Variants in NUP153 observed in about 807,000 individuals in gnomAD.
NUP153 encodes the protein nuclear pore complex protein Nup153.
Under a neutral mutation model 134.6 loss-of-function variants are expected in NUP153, and 27 were observed. The ratio of observed to expected loss-of-function variants is 0.20; its 90% CI spans 0.15 to 0.28. The LOEUF (loss-of-function observed/expected upper bound fraction) is 0.28, where lower values mean the gene tolerates loss of function less well. Ranked by LOEUF, NUP153 falls within the 10% of genes least tolerant of loss-of-function variation. The pLI, the probability that NUP153 is intolerant of heterozygous loss-of-function variation, is 1.00. For missense variants in NUP153, 1,821 were observed against 1,731.3 expected, an observed-to-expected ratio of 1.05 and a Z score of -0.92; for synonymous variants, 640 against 623.5, an observed-to-expected ratio of 1.03 and a Z score of -0.40.
intron 9 of NUP153, among the ~76,000 whole-genome samples, chr6:17,663,120 T>C (rs1767292108): frequency 6.6e-6 from 1 of 152,072 alleles, no homozygotes; most frequent in South Asian, 2.1e-4. Context: ...AGGGAACTCC[T>C]TGTTAATAAG....
At chr6:17,617,465 T>TAAA (rs71002233) in intron 20 of NUP153, among the ~76,000 whole-genome samples, 24 of 105,760 alleles carry the variant, frequency 2.3e-4, no homozygotes, top group African/African-American at 6.8e-4. Context: ...TAGTGGGAAT[T>TAAA]AAAAAAAAAA....
chr6:17,636,296 C>T lies in NUP153; in HGVS notation c.2464+857G>A, dbSNP rs141735437. ...GTCTCAGTGAGCCAAGATTGTGCCA[C>T]TGCACTCCAGCCTGGGTGACACAGT... On this transcript the variant is annotated intron_variant, in intron 16 of 21. Transcript: ENST00000262077. 8.1e-3 allele frequency among the ~76,000 whole-genome samples: 1,206 copies of T among 148,766 alleles called. 12 individuals carry two copies. The highest frequency in any genetic ancestry group is 0.014 in the Non-Finnish European group (980 of 67,670).
intron 11 of NUP153, among the ~76,000 whole-genome samples, chr6:17,658,453 A>C (rs1766971462): frequency 6.6e-6 from 1 of 152,164 alleles, no homozygotes; most frequent in African/African-American, 2.4e-5. Flanking sequence ...ATAACAACAA[A>C]AAACAAAGTT....
chr6:17,637,548 T>A lies in NUP153; in HGVS notation c.2069A>T (p.Asp690Val). 6.2e-7 allele frequency: 1 copy of A among 1,614,216 alleles called. No homozygotes were observed. Among genetic ancestry groups the A allele is most frequent in the East Asian group, 2.2e-5 (1 of 44,886 alleles). ...TTCAATTCCAGTCTGTTTAGCAGTATCTCTGGGTGACAATTTTGCTGCTTG... is the reference window on the plus strand; with the variant it reads ...TTCAATTCCAGTCTGTTTAGCAGTAACTCTGGGTGACAATTTTGCTGCTTG... ...ACQAAKLSPR[D>V]TAKQTGIETP... The change falls in exon 16 of 22, where the codon GAT becomes GTT. Residue 690 changes from aspartate to valine, a missense_variant. Physicochemically the swap from Asp to Val is radical, Grantham distance 152. Coordinates refer to ENST00000262077, the MANE Select transcript of NUP153 (RefSeq NM_005124.4).
intron 14 of NUP153, among the ~76,000 whole-genome samples, chr6:17,645,554 C>T (rs1297157042): frequency 3.3e-5 from 5 of 151,660 alleles, no homozygotes; most frequent in African/African-American, 1.2e-4. Context: ...CCTCCCACCA[C>T]AGCCTCCCAA....
At chr6:17,647,038 T>C (rs749948103) in intron 13 of NUP153, among the ~76,000 whole-genome samples, 4 of 151,674 alleles carry the variant, frequency 2.6e-5, no homozygotes, top group Non-Finnish European at 5.9e-5. Flanking sequence ...ATTACAGGCA[T>C]GAGCCACCGT....
chr6:17,631,952 C>G (rs964220620), intron 17 of NUP153, among the ~76,000 whole-genome samples: 1 of 150,974 alleles, frequency 6.6e-6, no homozygotes, highest in East Asian at 2.0e-4. Context: ...GGCGACAGAG[C>G]AAGACACCAT....
chr6:17,690,288 C>CTTGCAGTGAGAACCCGGGTGGCGTAG (rs1224745285), intron 1 of NUP153, among the ~76,000 whole-genome samples: 1 of 151,956 alleles, frequency 6.6e-6, no homozygotes, highest in Non-Finnish European at 1.5e-5. Context: ...GGTGGCGTAG[C>CTTGCAGTGAGAACCCGGGTGGCGTAG]TTGCAGTGAG....
chr6:17,669,851 T>C (rs938722155), intron 5 of NUP153, among the ~76,000 whole-genome samples: 10 of 151,864 alleles, frequency 6.6e-5, no homozygotes, highest in Admixed American at 1.3e-4. Flanking sequence ...CCCAGCACTT[T>C]GGGAGGTGTG....
chr6:17,622,405 TAGTGAGCCG>T (rs1272275231), intron 20 of NUP153, among the ~76,000 whole-genome samples: 1 of 152,134 alleles, frequency 6.6e-6, no homozygotes, highest in Admixed American at 6.5e-5. Context: ...GTTGAGGCAG[TAGTGAGCCG>T]AGATTCCACC....
In NUP153 at chr6:17,706,537, C is replaced by T. The variant is rs1325247094; in HGVS notation, c.-150G>A. 2 of 605,090 alleles carry T rather than the reference C, an allele frequency of 3.3e-6. No individual in the cohort carries two copies. The highest frequency in any genetic ancestry group is 3.0e-5 in the Admixed American group (1 of 33,112). The allele number at this position is 605,090 out of a possible 1,614,324, so 37.5% of individuals were successfully genotyped here. A position where few individuals can be genotyped will look rare whatever the true frequency, so the allele number is the denominator to read the frequency against. On this transcript the variant is annotated 5_prime_UTR_variant, in exon 1 of 22. Coordinates refer to ENST00000262077, the MANE Select transcript of NUP153 (RefSeq NM_005124.4). This position sits in a 1 kb window ranked among gnomAD's most constrained non-coding sequence, Gnocchi z 5.9. ...CAGTGGGCACAAGCACCCCAGGAAC[C>T]GCGAGGTTGCGAGCAGGAGCGGAGA...
rs1199121878 is a variant in NUP153 at position 17,668,360 on chromosome 6, G to A, written c.1068+615C>T. Among the ~76,000 whole-genome samples, 13 of 151,894 alleles carry A rather than the reference G, an allele frequency of 8.6e-5. No homozygotes were observed. The East Asian group carries it at 1.2e-3, about 14-fold the overall frequency. ...CTCCCAAAGTGCTAGGATTACAGGC[G>A]TAAGCCACCGCACCTGGCCGATCAC... On this transcript the variant is annotated intron_variant, in intron 8 of 21. Coordinates refer to ENST00000262077, the MANE Select transcript of NUP153 (RefSeq NM_005124.4).
intron 18 of NUP153, among the ~76,000 whole-genome samples, chr6:17,627,263 T>C (rs12524105): frequency 0.22 from 32,711 of 152,102 alleles, 4,072 homozygotes; most frequent in Non-Finnish European, 0.28. Context: ...ATCATGTTTT[T>C]GTTGCTTTCC....
At position 17,624,833 on chromosome 6, in the gene NUP153, C is replaced by T. The variant is rs1212284104; in HGVS notation, c.3902G>A (p.Gly1301Glu). 1.9e-6 allele frequency: 3 copies of T among 1,585,586 alleles called. No individual in the cohort carries two copies. The highest frequency in any genetic ancestry group is 2.2e-5 in the East Asian group (1 of 44,466). Reference sequence around the variant, plus strand: ...TCCAGTTCCAAATACAAAGGAGGATCCTGGAGGCCCAAAGAAACACTTAAG... The same window carrying T: ...TCCAGTTCCAAATACAAAGGAGGATTCTGGAGGCCCAAAGAAACACTTAAG... ...FGATTTSSSA[G>E]SSFVFGTGPS... is the part of the protein sequence containing the mutation. The change falls in exon 20 of 22, where the codon GGA (glycine) becomes GAA (glutamate). Residue 1301 changes from glycine to glutamate, a missense_variant and splice_region_variant. Gly to Glu is a moderately conservative substitution (Grantham distance 98, BLOSUM62 -2). Coordinates refer to ENST00000262077, the MANE Select transcript of NUP153 (RefSeq NM_005124.4).
intron 1 of NUP153, among the ~76,000 whole-genome samples, chr6:17,701,877 A>G (rs1046991877): frequency 2.0e-5 from 3 of 147,036 alleles, no homozygotes; most frequent in African/African-American, 7.6e-5. Flanking sequence ...GACTTGTAAG[A>G]CAAACTATAT....
At chr6:17,616,284 G>T in intron 21 of NUP153, 103 bp from the exon 22 acceptor site, 2 of 550,774 alleles carry the variant, frequency 3.6e-6, no homozygotes, top group Admixed American at 3.0e-5. Context: ...GGGTCGGGTG[G>T]GGGGGGAGTA....
chr6:17,699,063 T>C (rs1013560625), intron 1 of NUP153, among the ~76,000 whole-genome samples: 3 of 152,166 alleles, frequency 2.0e-5, no homozygotes, highest in African/African-American at 7.2e-5. Context: ...AGAAAAGGCA[T>C]CCTATCATCC....
chr6:17,648,144 T>C (rs1367869112), intron 12 of NUP153, among the ~76,000 whole-genome samples: 2 of 152,162 alleles, frequency 1.3e-5, no homozygotes, highest in Non-Finnish European at 2.9e-5. Context: ...AAGTAACATC[T>C]ATAAGAATAT....
intron 20 of NUP153, among the ~76,000 whole-genome samples, chr6:17,616,953 T>C (rs1256876629): frequency 3.9e-5 from 6 of 152,220 alleles, no homozygotes; most frequent in Admixed American, 2.6e-4. Flanking sequence ...GGTTTCACCA[T>C]GTTGGCCAGG....
Sources: allele counts gnomAD v4.1 joint callset (sites outside exome capture counted in the v4.1 genomes callset), GRCh38; gene constraint gnomAD v4.1.1; non-coding constraint Gnocchi (gnomAD v3.1); transcripts MANE v1.5; gene names NCBI Gene and HGNC (gene_info 2026-07-23, HGNC 2026-07-21).